The following ZFP1 variants were observed in gnomAD, a reference collection of about 807,000 sequenced individuals.
The protein encoded by ZFP1 is ZFP1 zinc finger protein.
Under a neutral mutation model 38.5 loss-of-function variants are expected in ZFP1, and 32 were observed. That is an observed-to-expected ratio of 0.83 (90% confidence interval 0.63 to 1.12). ZFP1 has a LOEUF of 1.12. Ranked by LOEUF, ZFP1 falls within the 50% of genes most tolerant of loss-of-function variation. The pLI, the probability that ZFP1 is intolerant of heterozygous loss-of-function variation, is 0.00. For missense variants in ZFP1, 616 were observed against 480.8 expected, an observed-to-expected ratio of 1.28 and a Z score of -2.63; for synonymous variants, 245 against 168.8, an observed-to-expected ratio of 1.45 and a Z score of -3.50.
chr16:75,154,962 C>A (rs1244407517), intron 2 of ZFP1, among the ~76,000 whole-genome samples: 6 of 151,918 alleles, frequency 3.9e-5, no homozygotes, highest in Non-Finnish European at 7.4e-5. Context: ...CATAGCCCAG[C>A]TAATTTTTGT....
the ZFP1 span, among the ~76,000 whole-genome samples, chr16:75,142,558 C>T: frequency 1.1e-4 from 16 of 152,110 alleles, no homozygotes. Flanking sequence ...CACCAGTGAG[C>T]TTCTTTCAAA....
the ZFP1 span, among the ~76,000 whole-genome samples, chr16:75,123,455 G>GTATATA: frequency 4.9e-4 from 43 of 87,256 alleles, no homozygotes; most frequent in South Asian, 1.6e-3. Context: ...GTGTGTATAT[G>GTATATA]TATATATATA....
chr16:75,150,243 C>G (rs1327442285), intron 1 of ZFP1, among the ~76,000 whole-genome samples: 2 of 136,552 alleles, frequency 1.5e-5, no homozygotes, highest in Non-Finnish European at 3.0e-5. Flanking sequence ...GAGTCTCGCT[C>G]TGTTGCCCAG....
In ZFP1 at chr16:75,169,705, C is replaced by T. The variant is rs1318962703; in HGVS notation, c.595C>T (p.Leu199Phe). Residue 199 changes from leucine (L) to phenylalanine (F), a missense_variant, in exon 4 of 4, where the codon CTC (leucine) becomes TTC (phenylalanine). By Grantham distance (22) the Leu-to-Phe change is conservative. Transcript: ENST00000570010. Reference protein sequence around the residue: ...CDKAFSFKSLLISHKRIHTGE... With the variant: ...CDKAFSFKSLFISHKRIHTGE... ...CAAGGCTTTCTCCTTTAAGTCACTC[C>T]TCATTAGTCATAAGAGAATACATAC... is the stretch of plus-strand genomic sequence containing the variant. 1 of 1,612,698 alleles carries T rather than the reference C, an allele frequency of 6.2e-7. No individual in the cohort carries two copies. Among genetic ancestry groups the T allele is most frequent in the Non-Finnish European group, 8.5e-7 (1 of 1,179,452 alleles).
chr16:75,152,849 A>G (rs2037277141), intron 1 of ZFP1, 60 bp from the exon 2 acceptor site: 1 of 1,488,376 alleles, frequency 6.7e-7, no homozygotes, highest in Non-Finnish European at 9.2e-7. Context: ...AAGTCATTCT[A>G]GGAGTTGTAA....
upstream of ZFP1, chr16:75,148,368 A>G (rs1386090082): frequency 6.6e-6 from 1 of 152,210 alleles, no homozygotes; most frequent in African/African-American, 2.4e-5. Flanking sequence ...CCGCCTAACA[A>G]GGCGAAGACT....
At chr16:75,132,159 G>A in the ZFP1 span, among the ~76,000 whole-genome samples, 3 of 152,106 alleles carry the variant, frequency 2.0e-5, no homozygotes, top group Non-Finnish European at 4.4e-5. Context: ...AAGCCAAGGC[G>A]GGGAGATCAC....
chr16:75,146,196 T>A (rs2036942209), upstream of ZFP1, among the ~76,000 whole-genome samples: 2 of 150,118 alleles, frequency 1.3e-5, no homozygotes, highest in Admixed American at 6.7e-5. Context: ...GGGGTCTCGC[T>A]CTGTCGCCCA....
Position 75,155,120 on chromosome 16 carries a change from A to G in ZFP1, c.15+2154A>G, listed in dbSNP as rs908758999. Among the ~76,000 whole-genome samples the G allele has an allele frequency of 5.3e-5, 8 of 152,110 alleles. 1 individual carries two copies. Among genetic ancestry groups the G allele is most frequent in the East Asian group, 1.9e-4 (1 of 5,150 alleles). On this transcript the variant is annotated intron_variant, in intron 2 of 3. Transcript: ENST00000570010. ...TTATGGTTTGTGTTTCAATCTCTTAATTATGTGATTTGATTTTGTTTTGTT... is the reference window on the plus strand; with the variant it reads ...TTATGGTTTGTGTTTCAATCTCTTAGTTATGTGATTTGATTTTGTTTTGTT...
chr16:75,158,556 G>A (rs2037583628), intron 2 of ZFP1, among the ~76,000 whole-genome samples: 1 of 150,808 alleles, frequency 6.6e-6, no homozygotes, highest in African/African-American at 2.4e-5. Context: ...GCCTCCCAAA[G>A]GGCTGGGATT....
intron 2 of ZFP1, among the ~76,000 whole-genome samples, chr16:75,160,429 A>G (rs376569514): frequency 2.0e-5 from 3 of 151,604 alleles, no homozygotes; most frequent in Admixed American, 1.3e-4. Context: ...AACCCCATCT[A>G]TACTAAAAAT....
upstream of ZFP1, chr16:75,144,019 T>A (rs2036916684): frequency 6.6e-6 from 1 of 152,214 alleles, no homozygotes; most frequent in African/African-American, 2.4e-5. Flanking sequence ...TTAGAACCTC[T>A]GCATGAGCTG....
intron 2 of ZFP1, among the ~76,000 whole-genome samples, chr16:75,161,009 T>C (rs2037745253): frequency 6.6e-6 from 1 of 152,120 alleles, no homozygotes; most frequent in South Asian, 2.1e-4. Context: ...AACCATAGCA[T>C]TGCCCCTAGA....
chr16:75,150,709 G>A (rs184123697), intron 1 of ZFP1, among the ~76,000 whole-genome samples: 1 of 152,000 alleles, frequency 6.6e-6, no homozygotes, highest in African/African-American at 2.4e-5. Flanking sequence ...ACAGGCGTGA[G>A]CCACTGCACC....
chr16:75,163,461 A>G (rs1156781429), intron 2 of ZFP1, among the ~76,000 whole-genome samples: 1 of 151,384 alleles, frequency 6.6e-6, no homozygotes, highest in Non-Finnish European at 1.5e-5. Context: ...ACAGGTGCCC[A>G]CCACCATGCC....
rs2038425050 is a variant in ZFP1, at chr16:75,171,367, T to C, written c.*1033T>C. The C allele has an allele frequency of 6.6e-6, 1 of 152,234 alleles. No individual in the cohort carries two copies. The highest frequency in any genetic ancestry group is 2.1e-4 in the South Asian group (1 of 4,834). 9.4% of individuals were successfully genotyped at this position (152,234 alleles called of 1,614,324 possible). On this transcript the variant is annotated 3_prime_UTR_variant, in exon 4 of 4. Coordinates refer to ENST00000570010, the MANE Select transcript of ZFP1 (RefSeq NM_153688.4). Reference sequence around the variant, plus strand: ...CAACTGTTTCATTGCTTTTTAAATTTTTCACGTGCATAACCCCCTTTAGAA... The same window carrying C: ...CAACTGTTTCATTGCTTTTTAAATTCTTCACGTGCATAACCCCCTTTAGAA...
chr16:75,136,366 C>T, the ZFP1 span, among the ~76,000 whole-genome samples: 1 of 152,164 alleles, frequency 6.6e-6, no homozygotes, highest in Non-Finnish European at 1.5e-5. Flanking sequence ...TACTCGTCGA[C>T]AGTCCTACTA....
chr16:75,127,100 T>C, the ZFP1 span, among the ~76,000 whole-genome samples: 1 of 152,236 alleles, frequency 6.6e-6, no homozygotes, highest in Non-Finnish European at 1.5e-5. Flanking sequence ...TCCTTGCCAA[T>C]TGTATCTTTG....
At chr16:75,150,421 G>T (rs1422700141) in intron 1 of ZFP1, among the ~76,000 whole-genome samples, 1 of 151,106 alleles carries the variant, frequency 6.6e-6, no homozygotes, top group African/African-American at 2.4e-5. Flanking sequence ...GGGTTTCACC[G>T]TGTTAGCCAG....
Sources: gnomAD v4.1 joint callset for allele counts (sites outside exome capture counted in the v4.1 genomes callset) on GRCh38, gnomAD v4.1.1 for gene constraint, MANE v1.5 for transcripts, NCBI Gene and HGNC (gene_info 2026-07-23, HGNC 2026-07-21) for gene names.